EVPLL: variants seen among roughly 807,000 people sequenced by gnomAD.
The protein encoded by EVPLL is envoplakin like.
EVPLL carries 39 observed loss-of-function variants against 46.2 expected under a neutral mutation model. The ratio of observed to expected loss-of-function variants is 0.84; its 90% CI spans 0.65 to 1.10. The LOEUF (loss-of-function observed/expected upper bound fraction) is 1.10, where lower values mean the gene tolerates loss of function less well. EVPLL is among the 50% of genes least tolerant of loss of function. The pLI is 0.00. For missense variants in EVPLL, 385 were observed against 412.6 expected (o/e 0.93, Z 0.58); for synonymous variants, 156 against 165.8 (o/e 0.94, Z 0.46).
Position 18,384,495 on chromosome 17 carries a change from C to T in EVPLL, c.876+908C>T, listed in dbSNP as rs902092650. ...CTGCAATCCTACCACTTTGGGAGGC[C>T]GAGGCGGGTGGATCACTTGAGCCCA... On this transcript the variant is annotated intron_variant, in intron 9 of 10. Coordinates refer to ENST00000399134, the MANE Select transcript of EVPLL (RefSeq NM_001145127.2). Among the ~76,000 whole-genome samples, 7 of 151,410 alleles carry T rather than the reference C, an allele frequency of 4.6e-5. 1 individual carries two copies. Among genetic ancestry groups the T allele is most frequent in the East Asian group, 1.9e-4 (1 of 5,164 alleles).
chr17:18,388,701 G>C (rs1987855196), intron 10 of EVPLL, 156 bp from the exon 11 acceptor site: 1 of 156,978 alleles, frequency 6.4e-6, no homozygotes, highest in South Asian at 1.9e-4. Context: ...GTGCTGATGA[G>C]GGGAGGGAGA....
In EVPLL at chr17:18,389,643, T is replaced by G. The variant is rs1282651580; in HGVS notation, c.*827T>G. The G allele has an allele frequency of 7.4e-6, 1 of 135,756 alleles. No individual in the cohort carries two copies. The highest frequency in any genetic ancestry group is 7.5e-5 in the Admixed American group (1 of 13,306). 8.4% of individuals were successfully genotyped at this position (135,756 alleles called of 1,614,324 possible). A position where few individuals can be genotyped will look rare whatever the true frequency, so the allele number is the denominator to read the frequency against. ...GATATGTAAATAAAGCTCAATTTTT[T>G]GAAACTTCATGCCTTTTTGAACTCT... On this transcript the variant is annotated 3_prime_UTR_variant, in exon 11 of 11. Transcript: ENST00000399134.
At chr17:18,387,309 G>A (rs1987799864) in intron 9 of EVPLL, among the ~76,000 whole-genome samples, 1 of 151,684 alleles carries the variant, frequency 6.6e-6, no homozygotes, top group South Asian at 2.1e-4. Flanking sequence ...CCATATATTG[G>A]TCATACCCCC....
Position 18,377,808 on chromosome 17 carries a change from GC to G in EVPLL, c.-209del. On this transcript the variant is annotated 5_prime_UTR_variant, in exon 1 of 11. Coordinates refer to ENST00000399134, the MANE Select transcript of EVPLL (RefSeq NM_001145127.2). ...ACTTAGCTGACCAGCCAGCAAGGAC[GC>G]CCGCTGCCTCCCACCTGCCCTCCTG... The G allele has an allele frequency of 1.7e-6, 1 of 604,378 alleles. No individual in the cohort carries two copies. Among genetic ancestry groups the G allele is most frequent in the Non-Finnish European group, 2.9e-6 (1 of 348,672 alleles). The allele number at this position is 604,378 out of a possible 1,614,324, so 37.4% of individuals were successfully genotyped here.
At chr17:18,382,694 A>T in intron 5 of EVPLL, 56 bp downstream of exon 5, 1 of 1,543,766 alleles carries the variant, frequency 6.5e-7, no homozygotes. Flanking sequence ...CTGTTTTTCC[A>T]GTCAGAGCCG....
rs1282710510 is a variant in EVPLL, at chr17:18,382,542, G to A, written c.376G>A (p.Gly126Arg). The A allele has an allele frequency of 1.9e-6, 3 of 1,551,786 alleles. No individual in the cohort carries two copies. The East Asian group carries it at 7.3e-5, about 38-fold the overall frequency. Residue 126 changes from glycine (G) to arginine (R), a missense_variant, in exon 5 of 11, where the codon GGG becomes AGG. Physicochemically the swap from Gly to Arg is moderately radical, Grantham distance 125. Coordinates refer to ENST00000399134, the MANE Select transcript of EVPLL (RefSeq NM_001145127.2). ...EAGLRRPVWA[G>R]HGGAGGTDRG... Reference sequence around the variant, plus strand: ...TGGTCTGCGCAGGCCAGTATGGGCCGGGCATGGCGGAGCTGGAGGAACAGA... The same window carrying A: ...TGGTCTGCGCAGGCCAGTATGGGCCAGGCATGGCGGAGCTGGAGGAACAGA...
At chr17:18,387,061 ATT>A (rs35980776) in intron 9 of EVPLL, among the ~76,000 whole-genome samples, 7 of 144,282 alleles carry the variant, frequency 4.9e-5, no homozygotes, top group Non-Finnish European at 6.1e-5. Context: ...CGCATGGCTA[ATT>A]TTTTTTTTTG....
chr17:18,385,410 A>G (rs1433641057), intron 9 of EVPLL, among the ~76,000 whole-genome samples: 1 of 103,798 alleles, frequency 9.6e-6, no homozygotes, highest in Non-Finnish European at 2.1e-5. Flanking sequence ...CCGGGTACCC[A>G]CTGGGGCTCT....
chr17:18,383,848 C>T, intron 9 of EVPLL: 1 of 434,702 alleles, frequency 2.3e-6, no homozygotes, highest in South Asian at 2.4e-5. Context: ...TGGCACGCGC[C>T]TGTAATCCCA....
chr17:18,381,237 T>TG lies in EVPLL; in HGVS notation c.64-129dup. ...CATGGACGCCCTGGGCCTGACCCTG[T>TG]GCCTGGCGTGGGCCTCGAGGTTGGC... is the stretch of plus-strand genomic sequence containing the variant. On this transcript the variant is annotated intron_variant, in intron 2 of 10. Coordinates refer to ENST00000399134, the MANE Select transcript of EVPLL (RefSeq NM_001145127.2). The surrounding 1 kb of genome is among the most constrained non-coding windows in gnomAD (Gnocchi z 4.2). The TG allele has an allele frequency of 2.1e-6, 3 of 1,409,622 alleles. No individual in the cohort carries two copies. Among genetic ancestry groups the TG allele is most frequent in the Non-Finnish European group, 2.8e-6 (3 of 1,066,644 alleles). 87.3% of individuals were successfully genotyped at this position (1,409,622 alleles called of 1,614,324 possible).
In EVPLL at chr17:18,381,716, C is replaced by G; in HGVS notation, c.332C>G (p.Ala111Gly). 1 of 1,614,138 alleles carries G rather than the reference C, an allele frequency of 6.2e-7. No individual in the cohort carries two copies. The highest frequency in any genetic ancestry group is 8.5e-7 in the Non-Finnish European group (1 of 1,180,028). The change falls in exon 4 of 11, where the codon GCT becomes GGT. Residue 111 changes from alanine to glycine, a missense_variant. By Grantham distance (60) the Ala-to-Gly change is moderately conservative. Transcript: ENST00000399134. The surrounding 1 kb of genome is among the most constrained non-coding windows in gnomAD (Gnocchi z 4.2). ...RGIQGRLGTR[A>G]GAETEAGLRR... ...ATCCAAGGTCGACTGGGCACACGTG[C>G]TGGAGCAGAAACAGGTCAGGAGCTC...
chr17:18,385,702 A>C (rs1307102601), intron 9 of EVPLL, among the ~76,000 whole-genome samples: 1 of 151,850 alleles, frequency 6.6e-6, no homozygotes, highest in Non-Finnish European at 1.5e-5. Flanking sequence ...AAAGATCAAG[A>C]TTCCCTGGAC....
intron 9 of EVPLL, among the ~76,000 whole-genome samples, chr17:18,387,184 C>T (rs2151632582): frequency 6.6e-6 from 1 of 150,914 alleles, no homozygotes; most frequent in East Asian, 1.9e-4. Context: ...CAGGTGTGAG[C>T]CACCGCGCCT....
chr17:18,381,104 A>G lies in EVPLL; in HGVS notation c.63+104A>G, dbSNP rs1292448501. The G allele has an allele frequency of 1.6e-5, 22 of 1,387,146 alleles. No homozygotes were observed. Among genetic ancestry groups the G allele is most frequent in the Non-Finnish European group, 1.0e-6 (1 of 1,004,594 alleles). 85.9% of individuals were successfully genotyped at this position (1,387,146 alleles called of 1,614,324 possible). ...TGAGTGCCCCCTGGTGATGGTGAAG[A>G]TGGGACAGATGACATTTGTCCTGCA... On this transcript the variant is annotated intron_variant, in intron 2 of 10. Coordinates refer to ENST00000399134, the MANE Select transcript of EVPLL (RefSeq NM_001145127.2). The surrounding 1 kb of genome is among the most constrained non-coding windows in gnomAD (Gnocchi z 4.2).
At chr17:18,384,065 CA>C (rs1987691820) in intron 9 of EVPLL, among the ~76,000 whole-genome samples, 1 of 152,154 alleles carries the variant, frequency 6.6e-6, no homozygotes, top group Non-Finnish European at 1.5e-5. Flanking sequence ...AAGCCGTTCC[CA>C]GGGGGGTGAA....
intron 9 of EVPLL, among the ~76,000 whole-genome samples, chr17:18,383,931 C>T (rs1987687839): frequency 1.3e-5 from 2 of 152,054 alleles, no homozygotes; most frequent in South Asian, 2.1e-4. Context: ...CGAGAATGGT[C>T]CACTGCATTC....
chr17:18,381,676 C>T lies in EVPLL; in HGVS notation c.292C>T (p.Pro98Ser). 6.2e-7 allele frequency: 1 copy of T among 1,614,162 alleles called. No homozygotes were observed. Among genetic ancestry groups the T allele is most frequent in the African/African-American group, 1.3e-5 (1 of 75,032 alleles). Residue 98 changes from proline (P) to serine (S), a missense_variant, in exon 4 of 11, where the codon CCG becomes TCG. Transcript: ENST00000399134. This position sits in a 1 kb window ranked among gnomAD's most constrained non-coding sequence, Gnocchi z 4.2. ...YCALYEKMVL[P>S]PRRGIQGRLG... The stretch of plus-strand genomic sequence containing the variant: ...TGCCCTGTACGAGAAGATGGTGCTG[C>T]CGCCCCGACGTGGGATCCAAGGTCG...
At position 18,377,908 on chromosome 17, in the gene EVPLL, G is replaced by C; in HGVS notation, c.-112G>C. The stretch of plus-strand genomic sequence containing the variant: ...ACCATGTTCAAGGGACTGAGCAAAG[G>C]CTCCCAGGGGAAGGGGTCCCCCAAG... On this transcript the variant is annotated 5_prime_UTR_variant, in exon 1 of 11. Transcript: ENST00000399134. 2 of 1,139,676 alleles carry C rather than the reference G, an allele frequency of 1.8e-6. No homozygotes were observed. Among genetic ancestry groups the C allele is most frequent in the South Asian group, 1.6e-5 (1 of 62,098 alleles). The allele number at this position is 1,139,676 out of a possible 1,614,324, so 70.6% of individuals were successfully genotyped here. A position where few individuals can be genotyped will look rare whatever the true frequency, so the allele number is the denominator to read the frequency against.
Position 18,382,582 on chromosome 17 carries a change from A to T in EVPLL, c.416A>T (p.His139Leu). 1 of 1,551,808 alleles carries T rather than the reference A, an allele frequency of 6.4e-7. No homozygotes were observed. Among genetic ancestry groups the T allele is most frequent in the Non-Finnish European group, 8.7e-7 (1 of 1,147,022 alleles). ...GAGGTDRGAQ[H>L]RAEGDQRPRR... ...GGAGGAACAGATCGCGGAGCTCAAC[A>T]TCGTGCAGAAGGAGATCAACGACCA... is the stretch of plus-strand genomic sequence containing the variant. Residue 139 changes from histidine to leucine, a missense_variant, in exon 5 of 11, where the codon CAT (histidine) becomes CTT (leucine). Transcript: ENST00000399134.
Sources: allele counts gnomAD v4.1 joint callset (sites outside exome capture counted in the v4.1 genomes callset), GRCh38; gene constraint gnomAD v4.1.1; non-coding constraint Gnocchi (gnomAD v3.1); transcripts MANE v1.5; gene names NCBI Gene and HGNC (gene_info 2026-07-23, HGNC 2026-07-21).